The following COL4A4 variants were observed in gnomAD, a reference collection of about 807,000 sequenced individuals.
COL4A4 encodes the protein collagen type IV alpha 4 chain, also known as collagen alpha-4(IV) chain.
A neutral mutation model predicts 192.9 loss-of-function variants in COL4A4; 105 were observed. That is an observed-to-expected ratio of 0.54 (90% CI 0.46 to 0.64). The LOEUF is 0.64. COL4A4 is among the 30% of genes least tolerant of loss of function. The pLI is 0.00. For synonymous variants in COL4A4, 762 were observed against 769.9 expected (o/e 0.99, Z 0.17); for missense variants, 1,967 against 2,169.3 (o/e 0.91, Z 1.85).
chr2:226,972,319 A>C, the COL4A4 span, among the ~76,000 whole-genome samples: 1 of 152,110 alleles, frequency 6.6e-6, no homozygotes, highest in African/African-American at 2.4e-5. Context: ...TTCTTTATCC[A>C]GTCAATCATT....
At chr2:227,068,801 T>C (rs1356177416) in intron 25 of COL4A4, among the ~76,000 whole-genome samples, 6 of 147,686 alleles carry the variant, frequency 4.1e-5, no homozygotes, top group Non-Finnish European at 9.0e-5. Flanking sequence ...CTTTGAAAAC[T>C]GGCACAAGAC....
At chr2:227,102,963 G>T in intron 14 of COL4A4, 115 bp from the exon 15 acceptor site, 2 of 1,207,598 alleles carry the variant, frequency 1.7e-6, no homozygotes, top group Non-Finnish European at 2.5e-6. Context: ...ATTATTGTCA[G>T]CAGCTTAAAG....
chr2:227,158,983 G>A (rs2064581616), intron 1 of COL4A4, among the ~76,000 whole-genome samples: 1 of 152,128 alleles, frequency 6.6e-6, no homozygotes, highest in African/African-American at 2.4e-5. Flanking sequence ...AAATGAAAAT[G>A]CATGCCCACA....
intron 44 of COL4A4, 126 bp from the exon 45 acceptor site, chr2:227,012,423 C>G: frequency 2.7e-6 from 2 of 747,728 alleles, no homozygotes; most frequent in South Asian, 2.9e-5. Context: ...CTGAATGCAT[C>G]AGCTCATTTA....
intron 38 of COL4A4, 109 bp downstream of exon 38, chr2:227,033,301 A>T: frequency 2.2e-6 from 2 of 908,516 alleles, no homozygotes; most frequent in African/African-American, 1.6e-5. Flanking sequence ...AGTTTTTTTC[A>T]GTTTTGCCTC....
chr2:227,012,264 C>T lies in COL4A4; in HGVS notation c.4250G>A (p.Arg1417Lys), dbSNP rs1375833616. ...CKGEPGLDGR[R>K]GVDGVPGSPG... is the part of the protein sequence containing the mutation. ...AGACCCAGGGACGCCATCCACACCC[C>T]TCCTGCCATCCAGCCCAGGCTCTCC... Residue 1417 changes from arginine (R) to lysine (K), a missense_variant, in exon 45 of 48, where the codon AGG (arginine) becomes AAG (lysine). Arg to Lys is a conservative substitution (Grantham distance 26). Coordinates refer to ENST00000396625, the MANE Select transcript of COL4A4 (RefSeq NM_000092.5). 6.2e-7 allele frequency: 1 copy of T among 1,614,122 alleles called. No homozygotes were observed. The highest frequency in any genetic ancestry group is 8.5e-7 in the Non-Finnish European group (1 of 1,180,002).
chr2:227,005,961 A>AATTGACACAC lies in COL4A4; in HGVS notation c.*1354_*1363dup, dbSNP rs1559389267. On this transcript the variant is annotated 3_prime_UTR_variant, in exon 48 of 48. Transcript: ENST00000396625. ...TTTACAGAAAAAAATAATCATTATAAATTGACACACATTCTAAACTTTTTT... is the reference window on the plus strand; with the variant it reads ...TTTACAGAAAAAAATAATCATTATAAATTGACACACATTGACACACATTCTAAACTTTTTT... 1.3e-5 allele frequency: 2 copies of AATTGACACAC among 152,356 alleles called. No homozygotes were observed. The highest frequency in any genetic ancestry group is 2.9e-5 in the Non-Finnish European group (2 of 68,030). The allele number at this position is 152,356 out of a possible 1,614,324, so 9.4% of individuals were successfully genotyped here.
chr2:226,971,259 C>T, the COL4A4 span, among the ~76,000 whole-genome samples: 79 of 152,246 alleles, frequency 5.2e-4, no homozygotes, highest in African/African-American at 1.8e-3. Context: ...TTACTAAATG[C>T]TTGTTGGTGA....
chr2:227,049,502 T>C (rs1973589387), intron 34 of COL4A4, among the ~76,000 whole-genome samples: 1 of 152,336 alleles, frequency 6.6e-6, no homozygotes, highest in East Asian at 1.9e-4. Context: ...AAAATTGTTA[T>C]GATCTGGCCC....
intron 25 of COL4A4, 80 bp from the exon 26 acceptor site, chr2:227,062,678 C>A: frequency 1.0e-6 from 1 of 994,618 alleles, no homozygotes; most frequent in Non-Finnish European, 1.6e-6. Context: ...ACAACTTCCT[C>A]AAGATATTTT....
At chr2:227,059,644 A>AAT in intron 27 of COL4A4, 21 bp from the exon 28 acceptor site, 1 of 1,563,714 alleles carries the variant, frequency 6.4e-7, no homozygotes, top group Non-Finnish European at 8.8e-7. Flanking sequence ...ACAAAAAAAA[A>AAT]TTTTTAATGA....
At position 227,005,213 on chromosome 2, in the gene COL4A4, TTTTAC is replaced by T. The variant is rs896734783; in HGVS notation, c.*2107_*2111del. 6.6e-6 allele frequency: 1 copy of T among 152,024 alleles called. No individual in the cohort carries two copies. The highest frequency in any genetic ancestry group is 2.4e-5 in the African/African-American group (1 of 41,500). The allele number at this position is 152,024 out of a possible 1,614,324, so 9.4% of individuals were successfully genotyped here. A position where few individuals can be genotyped will look rare whatever the true frequency, so the allele number is the denominator to read the frequency against. Reference sequence around the variant, plus strand: ...GCCTGTCTTTGTGTGGGTTTTTTTTTTTTACTTATTTATTAACTTATGAAGATAAT... The same window carrying T: ...GCCTGTCTTTGTGTGGGTTTTTTTTTTTATTTATTAACTTATGAAGATAAT... On this transcript the variant is annotated 3_prime_UTR_variant, in exon 48 of 48. Coordinates refer to ENST00000396625, the MANE Select transcript of COL4A4 (RefSeq NM_000092.5).
At chr2:227,083,852 G>T (rs2059445556) in intron 22 of COL4A4, among the ~76,000 whole-genome samples, 1 of 152,120 alleles carries the variant, frequency 6.6e-6, no homozygotes, top group Non-Finnish European at 1.5e-5. Flanking sequence ...AGGGGAGGAG[G>T]GTACCAGTGG....
intron 8 of COL4A4, 133 bp from the exon 9 acceptor site, chr2:227,111,846 T>A: frequency 2.2e-6 from 2 of 898,392 alleles, no homozygotes; most frequent in Non-Finnish European, 1.8e-6. Flanking sequence ...TGGTGTTGAC[T>A]AAAATTGAGG....
chr2:227,140,669 T>C (rs2063141718), intron 3 of COL4A4, among the ~76,000 whole-genome samples: 1 of 151,982 alleles, frequency 6.6e-6, no homozygotes, highest in African/African-American at 2.4e-5. Flanking sequence ...TCAGCTACAG[T>C]GTATCTCCTC....
the COL4A4 span, chr2:226,988,490 A>G: frequency 1.3e-6 from 2 of 1,540,698 alleles, no homozygotes; most frequent in African/African-American, 2.8e-5. Flanking sequence ...GGAGTTGAGC[A>G]AAGACTCAGG....
chr2:227,043,022 A>T (rs1971774873), intron 36 of COL4A4, 55 bp downstream of exon 36: 1 of 1,304,098 alleles, frequency 7.7e-7, no homozygotes, highest in Admixed American at 1.7e-5. Context: ...TGGTTTCTGA[A>T]ACACTCTGAG....
chr2:227,019,128 G>A (rs1160282965), intron 44 of COL4A4, among the ~76,000 whole-genome samples: 2 of 152,096 alleles, frequency 1.3e-5, no homozygotes, highest in African/African-American at 2.4e-5. Context: ...TCACCTGGGG[G>A]GCATTGAAAA....
At chr2:227,074,108 C>T (rs989595403) in intron 25 of COL4A4, among the ~76,000 whole-genome samples, 3 of 151,634 alleles carry the variant, frequency 2.0e-5, no homozygotes, top group African/African-American at 7.3e-5. Flanking sequence ...GTAGAGTAAA[C>T]AGAAACCCAC....
Sources: gnomAD v4.1 joint callset for allele counts (sites outside exome capture counted in the v4.1 genomes callset) on GRCh38, gnomAD v4.1.1 for gene constraint, MANE v1.5 for transcripts, NCBI Gene and HGNC (gene_info 2026-07-23, HGNC 2026-07-21) for gene names.